The following LRBA variants were observed in gnomAD, a reference collection of about 807,000 sequenced individuals.
The protein encoded by LRBA is lipopolysaccharide-responsive and beige-like anchor protein.
LRBA carries 176 observed loss-of-function variants against 330.0 expected under a neutral mutation model. That is an observed-to-expected ratio of 0.53 (90% confidence interval 0.47 to 0.60). The LOEUF (loss-of-function observed/expected upper bound fraction) is 0.60. Ranked by LOEUF, LRBA falls within the 20% of genes least tolerant of loss-of-function variation. The pLI is 0.00. For missense variants in LRBA, 3,259 were observed against 3,444.8 expected (o/e 0.95, Z 1.35); for synonymous variants, 1,230 against 1,193.0 (o/e 1.03, Z -0.64).
intron 36 of LRBA, among the ~76,000 whole-genome samples, chr4:150,727,366 G>A (rs762729009): frequency 3.9e-5 from 6 of 151,950 alleles, no homozygotes; most frequent in African/African-American, 4.8e-5. Context: ...GACCCACCAC[G>A]CCCAGCCAGA....
intron 40 of LRBA, among the ~76,000 whole-genome samples, chr4:150,533,952 A>T (rs80129313): frequency 0.016 from 2,396 of 152,244 alleles, 27 homozygotes; most frequent in Non-Finnish European, 0.024. Context: ...TGGCTCAGTC[A>T]TGAAGATGCT....
At chr4:150,849,976 TA>T (rs905917321) in intron 24 of LRBA, among the ~76,000 whole-genome samples, 15 of 151,156 alleles carry the variant, frequency 9.9e-5, no homozygotes, top group African/African-American at 2.4e-4. Flanking sequence ...CTTACACAAA[TA>T]AAAAAAAATA....
At chr4:150,817,051 A>ATCAGTG in intron 31 of LRBA, 73 bp downstream of exon 31, 1 of 1,389,090 alleles carries the variant, frequency 7.2e-7, no homozygotes, top group Non-Finnish European at 1.0e-6. Flanking sequence ...ATTTTAAGTT[A>ATCAGTG]ATCAAAAATC....
intron 37 of LRBA, among the ~76,000 whole-genome samples, chr4:150,628,467 T>C (rs921844852): frequency 1.3e-5 from 2 of 152,270 alleles, no homozygotes; most frequent in Middle Eastern, 3.4e-3. Flanking sequence ...GAATAATGAG[T>C]TTTAAACCTC....
At chr4:150,743,619 G>A (rs2126309131) in intron 35 of LRBA, among the ~76,000 whole-genome samples, 1 of 152,288 alleles carries the variant, frequency 6.6e-6, no homozygotes, top group Admixed American at 6.5e-5. Context: ...TGGTTAGTAA[G>A]TTCTATAAGA....
intron 44 of LRBA, among the ~76,000 whole-genome samples, chr4:150,449,845 AT>A (rs1753131520): frequency 6.6e-6 from 1 of 152,210 alleles, no homozygotes; most frequent in South Asian, 2.1e-4. Context: ...AAATAGAATC[AT>A]AAAAATAATC....
chr4:150,953,351 C>T (rs1424544919), intron 2 of LRBA, among the ~76,000 whole-genome samples: 1 of 150,888 alleles, frequency 6.6e-6, no homozygotes. Flanking sequence ...GAATAGCTCC[C>T]TCTCCCTCTC....
chr4:150,389,120 A>C (rs941914405), intron 47 of LRBA, among the ~76,000 whole-genome samples: 2 of 152,256 alleles, frequency 1.3e-5, no homozygotes, highest in South Asian at 2.1e-4. Flanking sequence ...TAAAAGATCC[A>C]AAAGAATCAC....
At chr4:150,438,914 T>C (rs1751478988) in intron 44 of LRBA, among the ~76,000 whole-genome samples, 1 of 152,190 alleles carries the variant, frequency 6.6e-6, no homozygotes, top group Non-Finnish European at 1.5e-5. Flanking sequence ...TTAATTACCA[T>C]TTTAAGTCAG....
chr4:150,657,747 T>G (rs1328285589), intron 37 of LRBA, among the ~76,000 whole-genome samples: 2 of 152,160 alleles, frequency 1.3e-5, no homozygotes, highest in Admixed American at 6.5e-5. Flanking sequence ...ATTTTTTAAC[T>G]TAATAGTAAT....
intron 28 of LRBA, chr4:150,840,638 A>C (rs1422750639): frequency 6.4e-6 from 1 of 156,216 alleles, no homozygotes; most frequent in Non-Finnish European, 1.4e-5. Flanking sequence ...AAGATCACTG[A>C]TGACAGATCA....
At chr4:150,773,767 T>C (rs970380092) in intron 34 of LRBA, among the ~76,000 whole-genome samples, 2 of 152,210 alleles carry the variant, frequency 1.3e-5, no homozygotes, top group African/African-American at 4.8e-5. Flanking sequence ...ATTCCAACTA[T>C]GCATTCCAGA....
At chr4:150,705,333 C>T (rs1785512507) in intron 36 of LRBA, among the ~76,000 whole-genome samples, 1 of 151,926 alleles carries the variant, frequency 6.6e-6, no homozygotes, top group South Asian at 2.1e-4. Flanking sequence ...AGAAATATGG[C>T]AGATTTTTGA....
At chr4:150,657,185 C>T (rs192374187) in intron 37 of LRBA, among the ~76,000 whole-genome samples, 11 of 152,104 alleles carry the variant, frequency 7.2e-5, no homozygotes, top group Non-Finnish European at 1.3e-4. Context: ...ACTTCCCTTA[C>T]GAAGGAGACA....
intron 53 of LRBA, among the ~76,000 whole-genome samples, chr4:150,295,994 A>AC (rs531299753): frequency 4.2e-4 from 64 of 152,124 alleles, no homozygotes; most frequent in African/African-American, 1.4e-3. Context: ...GTAAAATTCT[A>AC]CCCCCCAAAA....
chr4:150,771,017 G>A (rs1299756563), intron 34 of LRBA, among the ~76,000 whole-genome samples: 1 of 152,130 alleles, frequency 6.6e-6, no homozygotes, highest in East Asian at 1.9e-4. Flanking sequence ...TTTGCCTGAG[G>A]ATTCAGAGGC....
chr4:150,580,408 T>C (rs1039836003), intron 40 of LRBA: 9 of 152,078 alleles, frequency 5.9e-5, no homozygotes, highest in African/African-American at 1.7e-4. Context: ...AGAGGCCCAA[T>C]TGTCTGATAC....
chr4:150,949,688 A>G (rs1183476444), intron 2 of LRBA, among the ~76,000 whole-genome samples: 1 of 152,112 alleles, frequency 6.6e-6, no homozygotes, highest in Non-Finnish European at 1.5e-5. Context: ...ATTATTTCCC[A>G]TTGAAAAGAA....
At chr4:150,592,449 T>C (rs941052408) in intron 38 of LRBA, among the ~76,000 whole-genome samples, 2 of 151,862 alleles carry the variant, frequency 1.3e-5, no homozygotes, top group African/African-American at 4.8e-5. Context: ...TACTGAAACA[T>C]AGGAGTTTTC....
Sources: gnomAD v4.1 joint callset for allele counts (sites outside exome capture counted in the v4.1 genomes callset) on GRCh38, gnomAD v4.1.1 for gene constraint, MANE v1.5 for transcripts, NCBI Gene and HGNC (gene_info 2026-07-23, HGNC 2026-07-21) for gene names.